The following RSPO2 variants were observed in gnomAD, a reference collection of about 807,000 sequenced individuals.
The protein encoded by RSPO2 is R-spondin 2, also known as R-spondin-2.
In RSPO2, 14 loss-of-function variants were observed where a neutral mutation model predicts 30.9. That is an observed-to-expected ratio of 0.45 (90% confidence interval 0.30 to 0.71). The LOEUF (loss-of-function observed/expected upper bound fraction) is 0.71. RSPO2 is among the 30% of genes least tolerant of loss of function. RSPO2 has a pLI of 0.08. For synonymous variants in RSPO2, 107 were observed against 96.4 expected (o/e 1.11, Z -0.64); for missense variants, 264 against 301.9 (o/e 0.87, Z 0.93).
At chr8:108,013,830 C>T (rs940960946) in intron 2 of RSPO2, among the ~76,000 whole-genome samples, 2 of 152,176 alleles carry the variant, frequency 1.3e-5, no homozygotes, top group African/African-American at 4.8e-5. Flanking sequence ...ACAACGGCAA[C>T]AAAAGCCAAA....
chr8:108,038,893 C>A (rs1452312627), intron 2 of RSPO2, among the ~76,000 whole-genome samples: 1 of 152,152 alleles, frequency 6.6e-6, no homozygotes, highest in Non-Finnish European at 1.5e-5. Flanking sequence ...TTGTGTGACT[C>A]ACTTTACTGT....
At chr8:107,989,735 A>G (rs1000482003) in intron 2 of RSPO2, among the ~76,000 whole-genome samples, 3 of 152,216 alleles carry the variant, frequency 2.0e-5, no homozygotes, top group Admixed American at 6.5e-5. Context: ...CCAAGTCCAC[A>G]AGGCTGGGAT....
chr8:108,057,005 C>T (rs1401420801), intron 2 of RSPO2, among the ~76,000 whole-genome samples: 7 of 117,380 alleles, frequency 6.0e-5, no homozygotes, highest in Admixed American at 1.2e-4. Context: ...TTCAGTGAGT[C>T]GAGATCACAC....
intron 5 of RSPO2, among the ~76,000 whole-genome samples, chr8:107,936,062 AT>A (rs1161974148): frequency 1.3e-5 from 2 of 152,022 alleles, no homozygotes; most frequent in Non-Finnish European, 2.9e-5. Context: ...ACCTATGTAT[AT>A]TTTTATACCC....
At chr8:108,031,609 C>A (rs769394159) in intron 2 of RSPO2, among the ~76,000 whole-genome samples, 11 of 152,180 alleles carry the variant, frequency 7.2e-5, no homozygotes, top group Non-Finnish European at 1.2e-4. Flanking sequence ...GCCGTAACTT[C>A]ATACACTGAA....
chr8:107,941,721 AG>A (rs1812903024), intron 5 of RSPO2, among the ~76,000 whole-genome samples: 1 of 152,206 alleles, frequency 6.6e-6, no homozygotes, highest in Non-Finnish European at 1.5e-5. Context: ...TTTCACAGTG[AG>A]CAGACTTGGT....
At position 107,989,044 on chromosome 8, in the gene RSPO2, C is replaced by A; in HGVS notation, c.283+12G>T. The A allele has an allele frequency of 6.3e-7, 1 of 1,587,326 alleles. No individual in the cohort carries two copies. Among genetic ancestry groups the A allele is most frequent in the South Asian group, 1.2e-5 (1 of 84,970 alleles). On this transcript the variant is annotated intron_variant, in intron 3 of 5. Transcript: ENST00000276659. ...ATCCAGCAATACAGGATAGACAAAA[C>A]CAAATGCTCACTTGCACATCTGTTC...
intron 5 of RSPO2, among the ~76,000 whole-genome samples, chr8:107,924,822 GCA>G (rs59249399): frequency 0.031 from 4,635 of 148,276 alleles, 134 homozygotes; most frequent in South Asian, 0.11. Flanking sequence ...CACCTAACAT[GCA>G]CACACACACA....
chr8:107,959,345 T>C (rs1408668304), intron 4 of RSPO2, among the ~76,000 whole-genome samples: 1 of 152,312 alleles, frequency 6.6e-6, no homozygotes, highest in East Asian at 1.9e-4. Flanking sequence ...ATCTCCTATG[T>C]TAAGTCCACA....
intron 3 of RSPO2, among the ~76,000 whole-genome samples, chr8:107,968,526 T>C (rs956582538): frequency 2.0e-5 from 3 of 152,042 alleles, no homozygotes; most frequent in African/African-American, 7.2e-5. Flanking sequence ...TATTCAATAG[T>C]ACAGTAGGAA....
intron 5 of RSPO2, among the ~76,000 whole-genome samples, chr8:107,947,296 A>G (rs1813095085): frequency 6.6e-6 from 1 of 152,266 alleles, no homozygotes; most frequent in Admixed American, 6.5e-5. Context: ...GAAACTCATT[A>G]TAAGGTTAAC....
chr8:108,023,974 A>G (rs1811127318), intron 2 of RSPO2, among the ~76,000 whole-genome samples: 1 of 152,156 alleles, frequency 6.6e-6, no homozygotes, highest in Admixed American at 6.6e-5. Context: ...AAACCCAGGA[A>G]GCATAAGGGC....
At chr8:108,030,274 T>C (rs567779707) in intron 2 of RSPO2, among the ~76,000 whole-genome samples, 39 of 152,304 alleles carry the variant, frequency 2.6e-4, no homozygotes, top group African/African-American at 9.1e-4. Context: ...TATTCATTCA[T>C]GTGACCAAAC....
intron 3 of RSPO2, among the ~76,000 whole-genome samples, chr8:107,971,222 A>C (rs10505117): frequency 0.016 from 2,413 of 152,354 alleles, 31 homozygotes; most frequent in Non-Finnish European, 0.026. Context: ...GAACTACCAA[A>C]TCCACAAGAA....
chr8:107,966,636 T>C (rs1045934436), intron 3 of RSPO2, among the ~76,000 whole-genome samples: 5 of 152,136 alleles, frequency 3.3e-5, no homozygotes, highest in African/African-American at 1.2e-4. Context: ...GCAACTATCC[T>C]CTCTTCCTTT....
chr8:108,019,593 G>T (rs1474583773), intron 2 of RSPO2, among the ~76,000 whole-genome samples: 1 of 152,032 alleles, frequency 6.6e-6, no homozygotes, highest in Non-Finnish European at 1.5e-5. Flanking sequence ...TCCTTTAATG[G>T]TTTTGTTTTT....
chr8:107,927,998 T>C (rs889248797), intron 5 of RSPO2, among the ~76,000 whole-genome samples: 6 of 152,128 alleles, frequency 3.9e-5, no homozygotes, highest in African/African-American at 1.4e-4. Flanking sequence ...ATATTAAATA[T>C]AGACCAAAAA....
chr8:107,903,310 G>A (rs1811536599), intron 5 of RSPO2, among the ~76,000 whole-genome samples: 1 of 152,052 alleles, frequency 6.6e-6, no homozygotes, highest in African/African-American at 2.4e-5. Context: ...CTGAATATAT[G>A]TTAAAGAATA....
chr8:108,057,363 T>C (rs992941957), intron 2 of RSPO2, among the ~76,000 whole-genome samples: 10 of 152,244 alleles, frequency 6.6e-5, no homozygotes, highest in Admixed American at 5.2e-4. Context: ...AGAAAGGTTA[T>C]TGGTAGTTGT....
Sources: gnomAD v4.1 joint callset for allele counts (sites outside exome capture counted in the v4.1 genomes callset) on GRCh38, gnomAD v4.1.1 for gene constraint, MANE v1.5 for transcripts, NCBI Gene and HGNC (gene_info 2026-07-23, HGNC 2026-07-21) for gene names.